Variants in UBQLN1 observed in about 807,000 individuals in gnomAD.
UBQLN1 encodes ubiquilin-1.
UBQLN1 carries 13 observed loss-of-function variants against 65.4 expected under a neutral mutation model. The observed-to-expected ratio is 0.20, with a 90% CI of 0.13 to 0.32. The LOEUF is 0.32. Among genes scored for constraint, UBQLN1 ranks in the 10% least tolerant of loss-of-function variants. The pLI is 1.00. For missense variants in UBQLN1, 561 were observed against 724.0 expected, an observed-to-expected ratio of 0.77 and a Z score of 2.58; for synonymous variants, 267 against 247.8, an observed-to-expected ratio of 1.08 and a Z score of -0.73.
chr9:83,681,992 C>T (rs964042674), intron 3 of UBQLN1, among the ~76,000 whole-genome samples: 1 of 152,138 alleles, frequency 6.6e-6, no homozygotes, highest in South Asian at 2.1e-4. Flanking sequence ...AGAAATGAAG[C>T]TTTGTTGTAA....
intron 10 of UBQLN1, 62 bp downstream of exon 10, chr9:83,663,813 T>C (rs1831600261): frequency 6.4e-7 from 1 of 1,552,150 alleles, no homozygotes; most frequent in Non-Finnish European, 8.7e-7. Flanking sequence ...TTCCTTCTTT[T>C]TGGAAATTTC....
intron 8 of UBQLN1, chr9:83,665,443 G>A (rs933256752): frequency 3.7e-6 from 1 of 268,694 alleles, no homozygotes; most frequent in African/African-American, 2.2e-5. Context: ...AGAAGATAAA[G>A]TATTACTTCT....
intron 1 of UBQLN1, among the ~76,000 whole-genome samples, chr9:83,687,569 G>C (rs1042421330): frequency 2.0e-5 from 3 of 152,174 alleles, no homozygotes; most frequent in African/African-American, 7.2e-5. Flanking sequence ...TCTTCTGGTT[G>C]TCACGATAAA....
chr9:83,666,314 C>T (rs1831642434), intron 8 of UBQLN1, 36 bp downstream of exon 8: 1 of 1,603,032 alleles, frequency 6.2e-7, no homozygotes, highest in African/African-American at 1.3e-5. Context: ...TCAAGCAAAT[C>T]ATTACCCAAG....
chr9:83,707,913 G>C lies in UBQLN1; in HGVS notation c.-234C>G, dbSNP rs770536613. The stretch of plus-strand genomic sequence containing the variant: ...GGCAGCCGCCGTGTGTTCAGGCGCC[G>C]CTCGCTCACACCGACATCCGCAGCA... On this transcript the variant is annotated 5_prime_UTR_variant, in exon 1 of 11. Coordinates refer to ENST00000376395, the MANE Select transcript of UBQLN1 (RefSeq NM_013438.5). The C allele has an allele frequency of 2.6e-4, 138 of 538,572 alleles. No homozygotes were observed. The highest frequency in any genetic ancestry group is 3.2e-4 in the Non-Finnish European group (104 of 320,320). 33.4% of individuals were successfully genotyped at this position (538,572 alleles called of 1,614,324 possible).
At chr9:83,666,279 G>A in intron 8 of UBQLN1, 71 bp downstream of exon 8, 3 of 1,473,986 alleles carry the variant, frequency 2.0e-6, no homozygotes, top group Non-Finnish European at 2.8e-6. Context: ...GAAGAGCAAG[G>A]AAAAATGTTT....
intron 1 of UBQLN1, among the ~76,000 whole-genome samples, chr9:83,707,260 A>C (rs1044008498): frequency 3.9e-5 from 6 of 152,136 alleles, no homozygotes; most frequent in African/African-American, 9.7e-5. Flanking sequence ...CCAGAGAAGG[A>C]AGGCTCCGAG....
At chr9:83,663,769 C>A in intron 10 of UBQLN1, 106 bp downstream of exon 10, 1 of 1,237,216 alleles carries the variant, frequency 8.1e-7, no homozygotes, top group South Asian at 1.5e-5. Context: ...AATCTAAACA[C>A]CTAAGAACTA....
chr9:83,698,296 C>T (rs1251798643), intron 1 of UBQLN1, among the ~76,000 whole-genome samples: 2 of 152,146 alleles, frequency 1.3e-5, no homozygotes, highest in African/African-American at 2.4e-5. Context: ...GGAAGCACAT[C>T]CTGAAAGCTT....
intron 1 of UBQLN1, among the ~76,000 whole-genome samples, chr9:83,707,239 G>A (rs1832426288): frequency 6.6e-6 from 1 of 152,124 alleles, no homozygotes; most frequent in Admixed American, 6.5e-5. Context: ...GAGGCTGAGG[G>A]TCGGCGGATA....
At chr9:83,675,805 G>C (rs1244810950) in intron 6 of UBQLN1, among the ~76,000 whole-genome samples, 1 of 152,190 alleles carries the variant, frequency 6.6e-6, no homozygotes, top group East Asian at 1.9e-4. Flanking sequence ...AGTATTAACA[G>C]ATGAACTTTG....
chr9:83,662,152 AAT>A (rs1332545080), intron 10 of UBQLN1, among the ~76,000 whole-genome samples: 1 of 152,140 alleles, frequency 6.6e-6, no homozygotes, highest in African/African-American at 2.4e-5. Flanking sequence ...AATCATGTCA[AAT>A]AGATCACGAC....
intron 1 of UBQLN1, among the ~76,000 whole-genome samples, chr9:83,703,758 C>T (rs1832350988): frequency 6.6e-6 from 1 of 152,122 alleles, no homozygotes; most frequent in Non-Finnish European, 1.5e-5. Flanking sequence ...TGGAAAAAAG[C>T]TTAAGCTTTA....
intron 1 of UBQLN1, among the ~76,000 whole-genome samples, chr9:83,694,537 G>A (rs1166109246): frequency 1.3e-5 from 2 of 152,150 alleles, no homozygotes; most frequent in East Asian, 1.9e-4. Context: ...TATGTAACAC[G>A]TATGAGAAAG....
At chr9:83,675,160 T>C (rs1046082228) in intron 6 of UBQLN1, among the ~76,000 whole-genome samples, 2 of 152,190 alleles carry the variant, frequency 1.3e-5, no homozygotes, top group African/African-American at 4.8e-5. Flanking sequence ...CTGACATGCC[T>C]AACCACACAG....
chr9:83,695,419 TG>T (rs1832194523), intron 1 of UBQLN1, among the ~76,000 whole-genome samples: 1 of 152,164 alleles, frequency 6.6e-6, no homozygotes, highest in South Asian at 2.1e-4. Flanking sequence ...AGGCTGGTCT[TG>T]AACTCCTGAC....
chr9:83,700,071 T>G (rs181263779), intron 1 of UBQLN1, among the ~76,000 whole-genome samples: 3 of 152,238 alleles, frequency 2.0e-5, no homozygotes, highest in African/African-American at 7.2e-5. Context: ...CCACTCACTA[T>G]GTAATGAATT....
rs1832059593 is a variant in UBQLN1 at position 83,687,537 on chromosome 9, T to C, written c.181-1382A>G. 2.0e-5 allele frequency among the ~76,000 whole-genome samples: 3 copies of C among 152,130 alleles called. 1 individual carries two copies. The South Asian group carries it at 6.2e-4, about 32-fold the overall frequency. Reference sequence around the variant, plus strand: ...TAAGGAAATTGCTGCCAAGAAGGTGTTTTGGAAATATATAGGGGCATTCTT... The same window carrying C: ...TAAGGAAATTGCTGCCAAGAAGGTGCTTTGGAAATATATAGGGGCATTCTT... On this transcript the variant is annotated intron_variant, in intron 1 of 10. Coordinates refer to ENST00000376395, the MANE Select transcript of UBQLN1 (RefSeq NM_013438.5).
chr9:83,663,533 T>C (rs983977018), intron 10 of UBQLN1, among the ~76,000 whole-genome samples: 1 of 152,204 alleles, frequency 6.6e-6, no homozygotes, highest in African/African-American at 2.4e-5. Context: ...CAAGTTTCCA[T>C]TCCTCCCTAA....
Sources: gnomAD v4.1 joint callset for allele counts (sites outside exome capture counted in the v4.1 genomes callset) on GRCh38, gnomAD v4.1.1 for gene constraint, MANE v1.5 for transcripts, NCBI Gene and HGNC (gene_info 2026-07-23, HGNC 2026-07-21) for gene names.